The following GALNT16 variants were observed in gnomAD, a reference collection of about 807,000 sequenced individuals.
GALNT16 encodes UDP-GalNAc:polypeptide N-acetylgalactosaminyltransferase-like protein 1.
GALNT16 carries 40 observed loss-of-function variants against 76.1 expected under a neutral mutation model. The ratio of observed to expected loss-of-function variants is 0.53; its 90% CI spans 0.41 to 0.68. The LOEUF (loss-of-function observed/expected upper bound fraction) is 0.68. Ranked by LOEUF, GALNT16 falls within the 30% of genes least tolerant of loss-of-function variation. The probability of loss-of-function intolerance (pLI) is 0.00; values close to 1 mark genes in which losing one functional copy is unlikely to be tolerated. For synonymous variants in GALNT16, 276 were observed against 285.2 expected (o/e 0.97, Z 0.32); for missense variants, 621 against 731.9 (o/e 0.85, Z 1.75).
the GALNT16 span, among the ~76,000 whole-genome samples, chr14:69,362,199 T>C: frequency 6.6e-6 from 1 of 152,236 alleles, no homozygotes; most frequent in African/African-American, 2.4e-5. Context: ...CCCAGGGCTA[T>C]GTCCAGCATG....
the GALNT16 span, among the ~76,000 whole-genome samples, chr14:69,364,406 G>A: frequency 1.3e-5 from 2 of 152,118 alleles, no homozygotes; most frequent in African/African-American, 2.4e-5. This position sits in a 1 kb window ranked among gnomAD's most constrained non-coding sequence, Gnocchi z 4.2. Context: ...GAGATGATGC[G>A]GTACATACAG....
intron 6 of GALNT16, 44 bp from the exon 7 acceptor site, chr14:69,331,420 C>A: frequency 2.7e-6 from 3 of 1,115,858 alleles, no homozygotes; most frequent in African/African-American, 1.5e-5. Context: ...CCTTTTTCTG[C>A]AGAGAAGTCC....
intron 1 of GALNT16, among the ~76,000 whole-genome samples, chr14:69,289,882 C>T (rs576586006): frequency 3.4e-4 from 52 of 152,124 alleles, no homozygotes; most frequent in African/African-American, 1.2e-3. Flanking sequence ...TACAGGTGCC[C>T]GCCACCAGGC....
chr14:69,281,552 G>A (rs940181631), intron 1 of GALNT16, among the ~76,000 whole-genome samples: 1 of 152,106 alleles, frequency 6.6e-6, no homozygotes, highest in East Asian at 1.9e-4. Context: ...TGCCCTCCCC[G>A]CTTTCAATGT....
intron 1 of GALNT16, among the ~76,000 whole-genome samples, chr14:69,273,771 G>A (rs993135100): frequency 2.0e-5 from 3 of 152,206 alleles, no homozygotes; most frequent in African/African-American, 7.2e-5. Flanking sequence ...TGGTGTAGGT[G>A]AGCTTGGCTC....
chr14:69,291,547 C>T (rs1370092472), intron 1 of GALNT16, among the ~76,000 whole-genome samples: 2 of 152,178 alleles, frequency 1.3e-5, no homozygotes, highest in South Asian at 4.1e-4. Context: ...CACCTTCTTC[C>T]ACAGACATGC....
chr14:69,296,873 G>A (rs1216437736), intron 1 of GALNT16, among the ~76,000 whole-genome samples: 2 of 152,116 alleles, frequency 1.3e-5, no homozygotes, highest in Non-Finnish European at 2.9e-5. Context: ...TACACAAAAG[G>A]TAGCATATTA....
intron 9 of GALNT16, among the ~76,000 whole-genome samples, chr14:69,337,829 G>A (rs2045432867): frequency 6.6e-6 from 1 of 152,146 alleles, no homozygotes. Flanking sequence ...GCTATGCCAC[G>A]TGAGAGCCCC....
rs141457839 is a variant in GALNT16 at position 69,301,692 on chromosome 14, A to G, written c.178-19019A>G. The stretch of plus-strand genomic sequence containing the variant: ...AGTTAAGTAACTGCATTCTAGAATC[A>G]AGAATCTAGGGAAGGGCCGGGCGTG... On this transcript the variant is annotated intron_variant, in intron 1 of 14. Transcript: ENST00000448469. Among the ~76,000 whole-genome samples, 169 of 152,236 alleles carry G rather than the reference A, an allele frequency of 1.1e-3. 1 individual carries two copies. The Middle Eastern group carries it at 0.017, about 15-fold the overall frequency.
chr14:69,326,129 T>C (rs2045281638), intron 5 of GALNT16, 102 bp downstream of exon 5: 2 of 857,724 alleles, frequency 2.3e-6, no homozygotes, highest in Non-Finnish European at 4.0e-6. Flanking sequence ...GCCAACATGG[T>C]CCTGCTGCAT....
chr14:69,354,307 C>G lies in GALNT16; in HGVS notation c.*2139C>G, dbSNP rs889538003. On this transcript the variant is annotated 3_prime_UTR_variant, in exon 15 of 15. Coordinates refer to ENST00000448469, the MANE Select transcript of GALNT16 (RefSeq NM_001168368.2). ...GGGTCTCTCTGTCCTTTGCTGTGGTCAGATCAGGCTCTGCACTTATCAGCC... is the reference window on the plus strand; with the variant it reads ...GGGTCTCTCTGTCCTTTGCTGTGGTGAGATCAGGCTCTGCACTTATCAGCC... 1 of 152,798 alleles carries G rather than the reference C, an allele frequency of 6.5e-6. No homozygotes were observed. The highest frequency in any genetic ancestry group is 6.5e-5 in the Admixed American group (1 of 15,290). 9.5% of individuals were successfully genotyped at this position (152,798 alleles called of 1,614,324 possible).
chr14:69,324,835 G>A, intron 3 of GALNT16, 45 bp downstream of exon 3: 1 of 1,316,030 alleles, frequency 7.6e-7, no homozygotes, highest in Non-Finnish European at 1.1e-6. Flanking sequence ...GCTGGCAGGG[G>A]AGGACATTGG....
At chr14:69,346,737 G>A (rs2045569264) in intron 12 of GALNT16, among the ~76,000 whole-genome samples, 1 of 152,156 alleles carries the variant, frequency 6.6e-6, no homozygotes, top group African/African-American at 2.4e-5. Context: ...CCTCTTTCTG[G>A]ACTGAGGGGC....
downstream of GALNT16, chr14:69,357,709 C>G (rs909110490): frequency 2.6e-5 from 4 of 152,232 alleles, no homozygotes; most frequent in African/African-American, 9.7e-5. Flanking sequence ...GCCGGTCTTT[C>G]AACAATTTGT....
At chr14:69,287,473 A>G (rs1433161359) in intron 1 of GALNT16, among the ~76,000 whole-genome samples, 3 of 152,202 alleles carry the variant, frequency 2.0e-5, no homozygotes, top group Admixed American at 2.0e-4. Flanking sequence ...ACTGAGTAGC[A>G]CACAGCGTTT....
chr14:69,373,529 AC>A, the GALNT16 span, among the ~76,000 whole-genome samples: 1 of 152,242 alleles, frequency 6.6e-6, no homozygotes, highest in Non-Finnish European at 1.5e-5. Context: ...GTGTATAATT[AC>A]AAAAAAGAAA....
intron 1 of GALNT16, among the ~76,000 whole-genome samples, chr14:69,312,636 G>T (rs2045044378): frequency 6.6e-6 from 1 of 152,194 alleles, no homozygotes; most frequent in Non-Finnish European, 1.5e-5. Context: ...GTGCTGATTT[G>T]GTCTGAGTAC....
chr14:69,373,708 TTTC>T, the GALNT16 span, among the ~76,000 whole-genome samples: 1 of 152,162 alleles, frequency 6.6e-6, no homozygotes, highest in East Asian at 1.9e-4. Context: ...TCTTTCTCTT[TTTC>T]TTTTCTTTTT....
At chr14:69,341,592 T>C (rs367765105) in intron 11 of GALNT16, 89 bp from the exon 12 acceptor site, 2 of 801,390 alleles carry the variant, frequency 2.5e-6, no homozygotes, top group Non-Finnish European at 4.3e-6. Flanking sequence ...CCTGAGATAG[T>C]TGGGGCTGGG....
Sources: gnomAD v4.1 joint callset for allele counts (sites outside exome capture counted in the v4.1 genomes callset) on GRCh38, gnomAD v4.1.1 for gene constraint, Gnocchi (gnomAD v3.1) non-coding constraint, MANE v1.5 for transcripts, NCBI Gene and HGNC (gene_info 2026-07-23, HGNC 2026-07-21) for gene names.